GRIN3A: variants seen among roughly 807,000 people sequenced by gnomAD.
GRIN3A encodes the protein glutamate ionotropic receptor NMDA type subunit 3A.
Under a neutral mutation model 92.4 loss-of-function variants are expected in GRIN3A, and 47 were observed. That is an observed-to-expected ratio of 0.51 (90% CI 0.40 to 0.65). The LOEUF (loss-of-function observed/expected upper bound fraction) is 0.65. GRIN3A is among the 30% of genes least tolerant of loss of function. The pLI is 0.00. For missense variants in GRIN3A, 1,324 were observed against 1,393.1 expected, an observed-to-expected ratio of 0.95 and a Z score of 0.79; for synonymous variants, 527 against 540.6, an observed-to-expected ratio of 0.97 and a Z score of 0.35.
At chr9:101,594,505 G>T (rs267602057) in intron 6 of GRIN3A, 1 of 1,614,058 alleles carries the variant, frequency 6.2e-7, no homozygotes, top group African/African-American at 1.3e-5. Context: ...CCTTGTCCAG[G>T]ATGATGATGG....
chr9:101,686,373 G>C (rs1402517097), intron 2 of GRIN3A, among the ~76,000 whole-genome samples: 1 of 152,138 alleles, frequency 6.6e-6, no homozygotes, highest in Non-Finnish European at 1.5e-5. Flanking sequence ...TTTAAAGGCA[G>C]GATTGAGCAC....
chr9:101,573,102 A>C lies in GRIN3A; in HGVS notation c.*72T>G, dbSNP rs1827781471. Reference sequence around the variant, plus strand: ...CCCCACACCTTTGTCGATAGTTACAAAAGAGCATTACAAAGTGTCTCAAGG... The same window carrying C: ...CCCCACACCTTTGTCGATAGTTACACAAGAGCATTACAAAGTGTCTCAAGG... On this transcript the variant is annotated 3_prime_UTR_variant, in exon 9 of 9. Coordinates refer to ENST00000361820, the MANE Select transcript of GRIN3A (RefSeq NM_133445.3). 9.2e-6 allele frequency: 12 copies of C among 1,302,862 alleles called. No individual in the cohort carries two copies. In the South Asian group the frequency reaches 1.4e-4, roughly 15 times the overall value. 80.7% of individuals were successfully genotyped at this position (1,302,862 alleles called of 1,614,324 possible). A position where few individuals can be genotyped will look rare whatever the true frequency, so the allele number is the denominator to read the frequency against.
intron 3 of GRIN3A, among the ~76,000 whole-genome samples, chr9:101,651,732 T>G (rs933778455): frequency 6.6e-6 from 1 of 151,794 alleles, no homozygotes; most frequent in Admixed American, 6.6e-5. Context: ...GTCTGTAAAT[T>G]TTATAAATAA....
At chr9:101,723,464 T>G in intron 1 of GRIN3A, among the ~76,000 whole-genome samples, 1 of 151,712 alleles carries the variant, frequency 6.6e-6, no homozygotes, top group Non-Finnish European at 1.5e-5. Flanking sequence ...ACCCAAAGAG[T>G]GAGCAGTAGC....
chr9:101,589,570 TATA>T (rs1326533863), intron 6 of GRIN3A, among the ~76,000 whole-genome samples: 11 of 152,232 alleles, frequency 7.2e-5, no homozygotes, highest in Admixed American at 1.3e-4. Context: ...GAATGAATCA[TATA>T]ATGACTTTTT....
chr9:101,717,431 T>G (rs909512545), intron 1 of GRIN3A, among the ~76,000 whole-genome samples: 2 of 152,170 alleles, frequency 1.3e-5, no homozygotes, highest in African/African-American at 4.8e-5. Flanking sequence ...CATTTTGAAA[T>G]TATCTGGGTG....
chr9:101,652,236 C>T (rs371887974), intron 3 of GRIN3A, among the ~76,000 whole-genome samples: 3 of 152,028 alleles, frequency 2.0e-5, no homozygotes, highest in East Asian at 3.9e-4. Flanking sequence ...AGACAAAATT[C>T]AAAACCAAGA....
At chr9:101,594,251 A>G (rs931622062) in intron 6 of GRIN3A, 2 of 885,948 alleles carry the variant, frequency 2.3e-6, no homozygotes, top group Non-Finnish European at 3.4e-6. Flanking sequence ...GAGAATTAAT[A>G]GCACTGAGTT....
chr9:101,579,336 A>G lies in GRIN3A; in HGVS notation c.2791T>C (p.Phe931Leu), dbSNP rs765928041. ...TETLQMGIKH[F>L]SGLFVLLCIG... is the part of the protein sequence containing the mutation. ...CACAGCAGCACAAAGAGCCCAGAGA[A>G]GTGTTTGATGCCCATTTGCAAAGTC... Residue 931 changes from phenylalanine to leucine, a missense_variant, in exon 7 of 9, where the codon TTC (phenylalanine) becomes CTC (leucine). By Grantham distance (22) the Phe-to-Leu change is conservative. Transcript: ENST00000361820. 2 of 1,613,852 alleles carry G rather than the reference A, an allele frequency of 1.2e-6. No homozygotes were observed. Among genetic ancestry groups the G allele is most frequent in the African/African-American group, 1.3e-5 (1 of 74,922 alleles).
At chr9:101,627,218 T>G (rs1440964760) in intron 4 of GRIN3A, among the ~76,000 whole-genome samples, 2 of 152,214 alleles carry the variant, frequency 1.3e-5, no homozygotes, top group Non-Finnish European at 2.9e-5. Context: ...TTGATGTTCT[T>G]GCAAAATTAA....
At position 101,737,253 on chromosome 9, in the gene GRIN3A, T is replaced by G. The variant is rs1463844862; in HGVS notation, c.699+28A>C. 7 of 1,597,386 alleles carry G rather than the reference T, an allele frequency of 4.4e-6. No homozygotes were observed. In the East Asian group the frequency reaches 1.1e-4, roughly 26 times the overall value. ...GCCCCGGCCCCCAGCAGCGCCCATCTCCACTCCACGCACCAGGCTCCTCTC... is the reference window on the plus strand; with the variant it reads ...GCCCCGGCCCCCAGCAGCGCCCATCGCCACTCCACGCACCAGGCTCCTCTC... On this transcript the variant is annotated intron_variant, in intron 1 of 8. Coordinates refer to ENST00000361820, the MANE Select transcript of GRIN3A (RefSeq NM_133445.3).
chr9:101,646,928 A>AG (rs1828945488), intron 3 of GRIN3A, among the ~76,000 whole-genome samples: 1 of 151,716 alleles, frequency 6.6e-6, no homozygotes, highest in African/African-American at 2.4e-5. Flanking sequence ...AAATATAAAA[A>AG]AAAATCTGTG....
intron 6 of GRIN3A, among the ~76,000 whole-genome samples, chr9:101,607,799 T>A (rs1828307063): frequency 6.6e-6 from 1 of 152,210 alleles, no homozygotes; most frequent in South Asian, 2.1e-4. Context: ...GAAGCATTAA[T>A]AATTACGCTT....
Position 101,571,159 on chromosome 9 carries a change from C to CT in GRIN3A, c.*2014dup, listed in dbSNP as rs2118769813. 1 of 152,278 alleles carries CT rather than the reference C, an allele frequency of 6.6e-6. No individual in the cohort carries two copies. Among genetic ancestry groups the CT allele is most frequent in the South Asian group, 2.1e-4 (1 of 4,814 alleles). 9.4% of individuals were successfully genotyped at this position (152,278 alleles called of 1,614,324 possible). A position where few individuals can be genotyped will look rare whatever the true frequency, so the allele number is the denominator to read the frequency against. On this transcript the variant is annotated 3_prime_UTR_variant, in exon 9 of 9. Coordinates refer to ENST00000361820, the MANE Select transcript of GRIN3A (RefSeq NM_133445.3). Reference sequence around the variant, plus strand: ...TGGGGTGTTTCAACACAGAACTGTCCTTTTGTGTTTTCAGGGCTCACCTGT... The same window carrying CT: ...TGGGGTGTTTCAACACAGAACTGTCCTTTTTGTGTTTTCAGGGCTCACCTGT...
At position 101,687,001 on chromosome 9, in the gene GRIN3A, T is replaced by C. The variant is rs775036167; in HGVS notation, c.899A>G (p.Asn300Ser). 3.1e-6 allele frequency: 5 copies of C among 1,613,658 alleles called. No homozygotes were observed. The East Asian group carries it at 8.9e-5, about 29-fold the overall frequency. Residue 300 changes from asparagine (N) to serine (S), a missense_variant, in exon 2 of 9, where the codon AAC becomes AGC. Physicochemically the swap from Asn to Ser is conservative, Grantham distance 46. Transcript: ENST00000361820. ...CAAGAGGTCCTGGGTGGAGGGGAGG[T>C]TAGCGGTGATGTTGATGATAGAACC... ...HLGSIINITA[N>S]LPSTQDLLSF...
At chr9:101,708,517 C>G (rs761165525) in intron 1 of GRIN3A, among the ~76,000 whole-genome samples, 3 of 152,092 alleles carry the variant, frequency 2.0e-5, no homozygotes, top group Non-Finnish European at 4.4e-5. Flanking sequence ...GCCAACCCCC[C>G]AAATGAGATC....
At chr9:101,621,137 T>C (rs1370216241) in intron 5 of GRIN3A, among the ~76,000 whole-genome samples, 1 of 151,752 alleles carries the variant, frequency 6.6e-6, no homozygotes, top group Non-Finnish European at 1.5e-5. Flanking sequence ...CTACAAAAAT[T>C]AGCGGGGTGT....
At chr9:101,712,825 C>T (rs767492071) in intron 1 of GRIN3A, among the ~76,000 whole-genome samples, 16 of 152,238 alleles carry the variant, frequency 1.1e-4, no homozygotes, top group Non-Finnish European at 1.9e-4. Flanking sequence ...TTATTATGGA[C>T]AAGGCAATTC....
At chr9:101,621,570 C>T (rs1348704673) in intron 5 of GRIN3A, among the ~76,000 whole-genome samples, 2 of 152,216 alleles carry the variant, frequency 1.3e-5, no homozygotes, top group Middle Eastern at 3.4e-3. Flanking sequence ...TTCCATGCAC[C>T]ATTTTGTGCT....
Sources: allele counts gnomAD v4.1 joint callset (sites outside exome capture counted in the v4.1 genomes callset), GRCh38; gene constraint gnomAD v4.1.1; transcripts MANE v1.5; gene names NCBI Gene and HGNC (gene_info 2026-07-23, HGNC 2026-07-21).